SMIM31: variants seen among roughly 807,000 people sequenced by gnomAD.
The protein encoded by SMIM31 is small integral membrane protein 31.
intron 2 of SMIM31, among the ~76,000 whole-genome samples, chr4:164,795,314 T>C (rs888187474): frequency 6.6e-5 from 10 of 152,112 alleles, no homozygotes; most frequent in African/African-American, 9.7e-5. Context: ...TCCCAGCACT[T>C]TGGGAGGCCA....
At chr4:164,760,855 A>G (rs545277055) in intron 1 of SMIM31, among the ~76,000 whole-genome samples, 1 of 152,098 alleles carries the variant, frequency 6.6e-6, no homozygotes, top group Non-Finnish European at 1.5e-5. Flanking sequence ...ATCCTGAACA[A>G]CTAGAAACAT....
rs1732786414 is a variant in SMIM31, at chr4:164,770,520, C to A, written c.77C>A (p.Ala26Asp). 1 of 398,928 alleles carries A rather than the reference C, an allele frequency of 2.5e-6. No individual in the cohort carries two copies. The highest frequency in any genetic ancestry group is 6.3e-4 in the Middle Eastern group (1 of 1,588). 24.7% of individuals were successfully genotyped at this position (398,928 alleles called of 1,614,324 possible). ...GTTATCTTTTCCTTATTTACCCTGG[C>A]TTCCATCTACACTACTCCGGATGAC... ...AFVIFSLFTL[A>D]SIYTTPDDSN... Residue 26 changes from alanine (A) to aspartate (D), a missense_variant, in exon 2 of 3, where the codon GCT becomes GAT. Transcript: ENST00000507311.
chr4:164,775,039 CA>C (rs1313120733), intron 2 of SMIM31, among the ~76,000 whole-genome samples: 1 of 152,168 alleles, frequency 6.6e-6, no homozygotes, highest in Non-Finnish European at 1.5e-5. Context: ...TCTTTAAATC[CA>C]GCCAAGAGGA....
At position 164,788,705 on chromosome 4, in the gene SMIM31, C is replaced by T. The variant is rs184496316; in HGVS notation, c.113-12386C>T. ...GGTTTCTCCATGTTGAGGCTGGTAT[C>T]GAACTCCTGACCTCAGGTGATCCGC... On this transcript the variant is annotated intron_variant, in intron 2 of 2. Coordinates refer to ENST00000507311, the MANE Select transcript of SMIM31 (RefSeq NM_001352885.1). Among the ~76,000 whole-genome samples the T allele has an allele frequency of 8.0e-3, 1,210 of 151,392 alleles. 13 individuals are homozygous for T. The highest frequency in any genetic ancestry group is 0.027 in the African/African-American group (1,133 of 41,344).
rs1210607914 is a variant in SMIM31 at position 164,758,630 on chromosome 4, G to GTTTTT, written c.-26+4236_-26+4240dup. Among the ~76,000 whole-genome samples, 32 of 96,636 alleles carry GTTTTT rather than the reference G, an allele frequency of 3.3e-4. 1 individual carries two copies. The highest frequency in any genetic ancestry group is 7.3e-4 in the African/African-American group (17 of 23,130). 63.4% of individuals were successfully genotyped at this position (96,636 alleles called of 152,430 possible). Reference sequence around the variant, plus strand: ...CCATATATGTAGTTTTCCTTTTTTTGTTTTTTTTTTTTTTTTTTTTTGAGA... The same window carrying GTTTTT: ...CCATATATGTAGTTTTCCTTTTTTTGTTTTTTTTTTTTTTTTTTTTTTTTTTGAGA... On this transcript the variant is annotated intron_variant, in intron 1 of 2. Coordinates refer to ENST00000507311, the MANE Select transcript of SMIM31 (RefSeq NM_001352885.1).
intron 2 of SMIM31, among the ~76,000 whole-genome samples, chr4:164,787,887 C>T (rs9991207): frequency 0.56 from 85,792 of 151,978 alleles, 24,501 homozygotes; most frequent in African/African-American, 0.62. Context: ...GTTCTTTTAA[C>T]ATCTTTGGCA....
intron 2 of SMIM31, among the ~76,000 whole-genome samples, chr4:164,783,217 C>CAAAA (rs753365487): frequency 6.1e-5 from 2 of 32,868 alleles, no homozygotes; most frequent in Non-Finnish European, 1.5e-4. Context: ...GACTCTGTCT[C>CAAAA]AAAAAAAAAA....
intron 1 of SMIM31, among the ~76,000 whole-genome samples, chr4:164,766,970 C>T (rs1168027505): frequency 6.6e-6 from 1 of 152,068 alleles, no homozygotes. Flanking sequence ...GATTCTCAGG[C>T]AGGAGGAAGA....
intron 1 of SMIM31, among the ~76,000 whole-genome samples, chr4:164,756,432 TGTG>T (rs1732561839): frequency 6.6e-6 from 1 of 151,168 alleles, no homozygotes; most frequent in Non-Finnish European, 1.5e-5. Flanking sequence ...ATTAGCCAGG[TGTG>T]GTGGTGGGCG....
At chr4:164,758,090 T>C (rs995673662) in intron 1 of SMIM31, among the ~76,000 whole-genome samples, 2 of 149,316 alleles carry the variant, frequency 1.3e-5, no homozygotes, top group African/African-American at 5.0e-5. Flanking sequence ...TTTTGTAGTT[T>C]TAAGTGTATA....
At chr4:164,793,049 G>T (rs1172479024) in intron 2 of SMIM31, among the ~76,000 whole-genome samples, 2 of 152,092 alleles carry the variant, frequency 1.3e-5, no homozygotes, top group Non-Finnish European at 2.9e-5. Context: ...ACAAAATCAT[G>T]TTCTTTGCAG....
chr4:164,770,219 A>G (rs1171385829), intron 1 of SMIM31, among the ~76,000 whole-genome samples, 200 bp from the exon 2 acceptor site: 1 of 152,226 alleles, frequency 6.6e-6, no homozygotes, highest in Non-Finnish European at 1.5e-5. Context: ...CAATCTACAC[A>G]GTGAAATTGT....
chr4:164,790,030 G>A (rs1733079785), intron 2 of SMIM31, among the ~76,000 whole-genome samples: 1 of 152,126 alleles, frequency 6.6e-6, no homozygotes, highest in African/African-American at 2.4e-5. Context: ...CCTTTCTTCA[G>A]GTTATGCCTA....
intron 2 of SMIM31, among the ~76,000 whole-genome samples, chr4:164,783,173 A>T (rs1732980373): frequency 6.9e-6 from 1 of 144,654 alleles, no homozygotes; most frequent in Non-Finnish European, 1.5e-5. Context: ...AGCCGAGATC[A>T]GGCCACTGCA....
intron 2 of SMIM31, among the ~76,000 whole-genome samples, chr4:164,772,690 T>C (rs1257541169): frequency 6.6e-6 from 1 of 151,534 alleles, no homozygotes; most frequent in Non-Finnish European, 1.5e-5. Flanking sequence ...GCCATTCTCC[T>C]GCCTCAGCCT....
chr4:164,756,571 C>CA (rs571152447), intron 1 of SMIM31, among the ~76,000 whole-genome samples: 24 of 130,594 alleles, frequency 1.8e-4, no homozygotes, highest in Admixed American at 5.4e-4. Flanking sequence ...GACTCTGTCT[C>CA]AAAAAAAAAA....
At chr4:164,756,437 TGGTG>T (rs1732561967) in intron 1 of SMIM31, among the ~76,000 whole-genome samples, 2 of 151,392 alleles carry the variant, frequency 1.3e-5, no homozygotes, top group East Asian at 3.9e-4. Context: ...CCAGGTGTGG[TGGTG>T]GGCGCCTGTA....
chr4:164,797,465 C>CTTTTTTTTT (rs70952643), intron 2 of SMIM31, among the ~76,000 whole-genome samples: 4 of 131,356 alleles, frequency 3.0e-5, no homozygotes, highest in African/African-American at 8.7e-5. Flanking sequence ...GATTTCTTTT[C>CTTTTTTTTT]TTTTTTTTTT....
chr4:164,795,747 T>C (rs1379637839), intron 2 of SMIM31, among the ~76,000 whole-genome samples: 1 of 152,174 alleles, frequency 6.6e-6, no homozygotes, highest in Non-Finnish European at 1.5e-5. Flanking sequence ...CCTGCCATGT[T>C]GTAAGAAATC....
Sources: allele counts gnomAD v4.1 joint callset (sites outside exome capture counted in the v4.1 genomes callset), GRCh38; gene constraint gnomAD v4.1.1; transcripts MANE v1.5; gene names NCBI Gene and HGNC (gene_info 2026-07-23, HGNC 2026-07-21).